Variants in ANK2 observed in about 807,000 individuals in gnomAD.
The protein encoded by ANK2 is ankyrin-2.
ANK2 carries 83 observed loss-of-function variants against 360.5 expected under a neutral mutation model. The ratio of observed to expected loss-of-function variants is 0.23; its 90% CI spans 0.19 to 0.28. ANK2 has a LOEUF of 0.28. Among genes scored for constraint, ANK2 ranks in the 10% least tolerant of loss-of-function variants. The pLI, the probability that ANK2 is intolerant of heterozygous loss-of-function variation, is 1.00. For missense variants in ANK2, 4,201 were observed against 4,795.7 expected (o/e 0.88, Z 3.66); for synonymous variants, 1,740 against 1,759.5 (o/e 0.99, Z 0.28).
At chr4:112,887,669 T>C (rs2078804162) in intron 1 of ANK2, among the ~76,000 whole-genome samples, 1 of 152,194 alleles carries the variant, frequency 6.6e-6, no homozygotes, top group South Asian at 2.1e-4. Context: ...GTTTAAATTA[T>C]GAGTTTTCAT....
intron 23 of ANK2, among the ~76,000 whole-genome samples, chr4:113,305,066 C>T (rs2076578982): frequency 6.6e-6 from 1 of 151,920 alleles, no homozygotes; most frequent in Non-Finnish European, 1.5e-5. Context: ...CTCGGCCGGG[C>T]GCGGTGGCTC....
intron 1 of ANK2, among the ~76,000 whole-genome samples, chr4:112,823,513 A>G (rs1031612058): frequency 1.3e-5 from 2 of 152,068 alleles, no homozygotes; most frequent in African/African-American, 4.8e-5. Context: ...GTATGAACAG[A>G]CAGAAACTCC....
At chr4:112,782,103 C>T in the ANK2 span, among the ~76,000 whole-genome samples, 4 of 152,312 alleles carry the variant, frequency 2.6e-5, no homozygotes, top group South Asian at 2.1e-4. Flanking sequence ...GCTGGAATTA[C>T]AGGCGTGAGC....
chr4:113,221,486 C>T (rs1355516306), intron 4 of ANK2, among the ~76,000 whole-genome samples: 4 of 151,826 alleles, frequency 2.6e-5, no homozygotes, highest in Admixed American at 6.6e-5. Context: ...ATGGTGAAAC[C>T]CTGTCTCTAC....
rs1013235426 is a variant in ANK2, at chr4:113,050,875, A to G, written c.84+1063A>G. Among the ~76,000 whole-genome samples, 5 of 152,354 alleles carry G rather than the reference A, an allele frequency of 3.3e-5. 1 individual carries two copies. In the South Asian group the frequency reaches 1.0e-3, roughly 32 times the overall value. On this transcript the variant is annotated intron_variant, in intron 1 of 45. Transcript: ENST00000357077. ...AGATGTCTAGTGTACTAAATGTTTTATAATCTAAAGATTGTAAATAATTTG... is the reference window on the plus strand; with the variant it reads ...AGATGTCTAGTGTACTAAATGTTTTGTAATCTAAAGATTGTAAATAATTTG...
intron 1 of ANK2, among the ~76,000 whole-genome samples, chr4:113,091,408 G>C (rs78244996): frequency 0.011 from 1,636 of 152,286 alleles, 28 homozygotes; most frequent in African/African-American, 0.036. Flanking sequence ...GTCTTTAAGA[G>C]ATGTGATATT....
At chr4:113,271,048 T>G (rs1586737043) in intron 14 of ANK2, among the ~76,000 whole-genome samples, 1 of 152,224 alleles carries the variant, frequency 6.6e-6, no homozygotes, top group South Asian at 2.1e-4. Context: ...TTCAAGATTG[T>G]GCTGATTAAC....
chr4:113,012,145 C>T (rs1287403514), intron 2 of ANK2, among the ~76,000 whole-genome samples: 8 of 152,038 alleles, frequency 5.3e-5, no homozygotes, highest in East Asian at 1.9e-4. Flanking sequence ...TTATTTACCA[C>T]GAAAATGCAG....
intron 4 of ANK2, among the ~76,000 whole-genome samples, chr4:113,216,127 T>C (rs1367886827): frequency 6.6e-6 from 1 of 152,212 alleles, no homozygotes; most frequent in Non-Finnish European, 1.5e-5. Context: ...CAAGCATTTC[T>C]GGCATAACTA....
At chr4:113,098,690 T>C (rs1170464983) in intron 1 of ANK2, among the ~76,000 whole-genome samples, 3 of 151,978 alleles carry the variant, frequency 2.0e-5, no homozygotes, top group East Asian at 3.9e-4. Context: ...CCTATGAGGC[T>C]GGTATAACCC....
chr4:113,221,939 T>A (rs1222416327), intron 4 of ANK2, among the ~76,000 whole-genome samples: 2 of 152,196 alleles, frequency 1.3e-5, no homozygotes, highest in Admixed American at 1.3e-4. Context: ...ATCTGTGGAA[T>A]TTGCTGTTAA....
intron 1 of ANK2, among the ~76,000 whole-genome samples, chr4:113,095,930 TG>T (rs1209899864): frequency 3.3e-5 from 5 of 152,220 alleles, no homozygotes; most frequent in Non-Finnish European, 5.9e-5. Context: ...CTTTATTCCA[TG>T]TCCCTCTGGT....
At chr4:113,203,516 A>G (rs2098887076) in intron 4 of ANK2, among the ~76,000 whole-genome samples, 1 of 151,846 alleles carries the variant, frequency 6.6e-6, no homozygotes, top group Admixed American at 6.6e-5. Context: ...ACACTTCTTT[A>G]TAGTTTCAGG....
intron 1 of ANK2, among the ~76,000 whole-genome samples, chr4:113,061,506 G>A (rs2073347216): frequency 6.6e-6 from 1 of 152,034 alleles, no homozygotes; most frequent in Admixed American, 6.6e-5. Context: ...GTTTCAAAAA[G>A]GCTGTCAGGA....
intron 1 of ANK2, among the ~76,000 whole-genome samples, chr4:112,868,055 G>A (rs1359787683): frequency 1.3e-5 from 2 of 151,896 alleles, no homozygotes; most frequent in African/African-American, 2.4e-5. Context: ...CCATATCCTC[G>A]CTAACATTTG....
chr4:113,332,538 A>G (rs1272055725), intron 28 of ANK2, among the ~76,000 whole-genome samples: 3 of 152,248 alleles, frequency 2.0e-5, no homozygotes, highest in African/African-American at 4.8e-5. Context: ...CTGTGTACAC[A>G]TGCCTATTGT....
At chr4:112,972,867 C>T (rs565179612) in intron 2 of ANK2, among the ~76,000 whole-genome samples, 16 of 152,050 alleles carry the variant, frequency 1.1e-4, no homozygotes, top group Non-Finnish European at 2.1e-4. Context: ...ATGTCTTTTG[C>T]AGCAACTTGG....
At chr4:112,843,763 T>A (rs2062689814) in intron 1 of ANK2, among the ~76,000 whole-genome samples, 1 of 152,200 alleles carries the variant, frequency 6.6e-6, no homozygotes, top group Non-Finnish European at 1.5e-5. Context: ...GTCCTTAATG[T>A]ATTATAGTTT....
rs777564125 is a variant in ANK2, at chr4:113,343,112, C to T, written c.4218C>T (p.Phe1406=). 1.9e-6 allele frequency: 3 copies of T among 1,613,310 alleles called. No homozygotes were observed. In the Middle Eastern group the frequency reaches 4.9e-4, roughly 266 times the overall value. Residue 1406 remains phenylalanine (F), a synonymous_variant, in exon 34 of 46, where the codon TTC becomes TTT. Coordinates refer to ENST00000357077, the MANE Select transcript of ANK2 (RefSeq NM_001148.6). ...GQHHIFSFFA[F]KENRLPLFVK... is the part of the protein sequence containing the mutation. ...ATCATATATTCAGTTTTTTTGCCTT[C>T]AAAGAAAATAGACTTCCTCTATTTG... is the stretch of plus-strand genomic sequence containing the variant.
Sources: gnomAD v4.1 joint callset for allele counts (sites outside exome capture counted in the v4.1 genomes callset) on GRCh38, gnomAD v4.1.1 for gene constraint, MANE v1.5 for transcripts, NCBI Gene and HGNC (gene_info 2026-07-23, HGNC 2026-07-21) for gene names.